Variants in PTOV1 observed in about 807,000 individuals in gnomAD.
PTOV1 encodes the protein PTOV1 extended AT-hook containing adaptor protein.
A neutral mutation model predicts 58.0 loss-of-function variants in PTOV1; 20 were observed. The ratio of observed to expected loss-of-function variants is 0.34; its 90% CI spans 0.24 to 0.50. The LOEUF is 0.50. Ranked by LOEUF, PTOV1 falls within the 20% of genes least tolerant of loss-of-function variation. PTOV1 has a pLI of 0.98. For missense variants in PTOV1, 593 were observed against 565.4 expected (o/e 1.05, Z -0.50); for synonymous variants, 335 against 234.2 (o/e 1.43, Z -3.93).
chr19:49,851,547 C>CCCCCCCCA, intron 1 of PTOV1, 48 bp downstream of exon 1: 7 of 1,095,142 alleles, frequency 6.4e-6, no homozygotes, highest in Non-Finnish European at 8.0e-6. Flanking sequence ...CCCGCCCCCC[C>CCCCCCCCA]AGCCCCTATC....
intron 5 of PTOV1, chr19:49,855,325 C>T (rs775595038): frequency 5.6e-5 from 30 of 533,260 alleles, no homozygotes; most frequent in Non-Finnish European, 8.5e-5. Context: ...GCCCTGGGGG[C>T]GTGAGTGCAG....
In PTOV1 at chr19:49,858,054, C is replaced by T. The variant is rs1408556019; in HGVS notation, c.879-3C>T. 3.1e-6 allele frequency: 5 copies of T among 1,613,984 alleles called. No homozygotes were observed. Among genetic ancestry groups the T allele is most frequent in the Non-Finnish European group, 4.2e-6 (5 of 1,180,004 alleles). ...CTGACCCTCGTCCCTTTGTGCCCCA[C>T]AGGAGGACCGAGCAGTGGCCAAGGA... On this transcript the variant is annotated splice_region_variant and splice_polypyrimidine_tract_variant and intron_variant, in intron 8 of 11. Transcript: ENST00000391842.
chr19:49,859,690 G>A (rs542308566), intron 10 of PTOV1, among the ~76,000 whole-genome samples: 2 of 152,362 alleles, frequency 1.3e-5, no homozygotes, highest in Non-Finnish European at 2.9e-5. Flanking sequence ...AGCCATGGCC[G>A]GTTGGCTCAG....
intron 10 of PTOV1, 152 bp from the exon 11 acceptor site, chr19:49,859,834 A>G (rs1019645577): frequency 6.3e-6 from 5 of 793,524 alleles, no homozygotes; most frequent in Non-Finnish European, 1.0e-5. Flanking sequence ...TGTCATCCCA[A>G]TAAGGGGGCC....
chr19:49,850,801 C>T (rs1479097209), upstream of PTOV1: 12 of 1,502,224 alleles, frequency 8.0e-6, no homozygotes, highest in Non-Finnish European at 1.1e-5. Context: ...TCCTTTGTCC[C>T]CAGGCCCATT....
intron 1 of PTOV1, among the ~76,000 whole-genome samples, chr19:49,853,607 C>T (rs2074343740): frequency 7.3e-6 from 1 of 137,808 alleles, no homozygotes; most frequent in South Asian, 2.5e-4. Flanking sequence ...ATGAGTGAAA[C>T]TCTGTCTCAA....
intron 1 of PTOV1, chr19:49,852,160 C>T (rs1219596607): frequency 3.6e-6 from 3 of 831,596 alleles, no homozygotes; most frequent in Non-Finnish European, 4.3e-6. Flanking sequence ...AACCGCACAT[C>T]GCGACTTTGC....
intron 1 of PTOV1, 116 bp downstream of exon 1, chr19:49,851,615 A>G: frequency 9.6e-7 from 1 of 1,038,138 alleles, no homozygotes; most frequent in Non-Finnish European, 1.2e-6. Flanking sequence ...CTGTGGCCCG[A>G]AGGGTGGTCC....
chr19:49,854,837 C>G (rs1327378257), exon 4 of PTOV1: 1 of 1,613,316 alleles, frequency 6.2e-7, no homozygotes, highest in Non-Finnish European at 8.5e-7. Flanking sequence ...ATAGGGAGAC[C>G]GACCAGTGGC....
At chr19:49,860,389 G>GCCCCGGCAC in exon 12 of PTOV1, 1 of 1,203,046 alleles carries the variant, frequency 8.3e-7, no homozygotes, top group Non-Finnish European at 1.2e-6. Context: ...TGTGGGGGGG[G>GCCCCGGCAC]TGGGGTTGGG....
chr19:49,851,427 C>T (rs1162746044), exon 1 of PTOV1: 1 of 1,214,108 alleles, frequency 8.2e-7, no homozygotes, highest in East Asian at 3.3e-5. Context: ...GCGCCGTCCG[C>T]TCGCGCTCCT....
intron 1 of PTOV1, chr19:49,851,759 C>T (rs1486101101): frequency 3.7e-6 from 4 of 1,089,670 alleles, no homozygotes; most frequent in Non-Finnish European, 3.3e-6. Context: ...GACTCCGCGG[C>T]CCGATTTAAA....
chr19:49,851,044 C>A (rs1313318557), upstream of PTOV1: 10 of 1,512,772 alleles, frequency 6.6e-6, no homozygotes, highest in East Asian at 5.1e-5. Context: ...CCCGCAGGAC[C>A]GCCGAGCCCA....
intron 1 of PTOV1, 178 bp downstream of exon 1, chr19:49,851,677 T>C: frequency 9.6e-7 from 1 of 1,040,908 alleles, no homozygotes. Flanking sequence ...CGCCGCGCTC[T>C]CCCCTTTGTT....
chr19:49,858,741 A>G (rs1262992852), intron 10 of PTOV1, 88 bp downstream of exon 10: 1 of 1,129,756 alleles, frequency 8.9e-7, no homozygotes, highest in Admixed American at 2.0e-5. Context: ...GGAGAGGAAC[A>G]GAGCACCATG....
chr19:49,851,391 C>G, exon 1 of PTOV1: 1 of 1,173,806 alleles, frequency 8.5e-7, no homozygotes, highest in Non-Finnish European at 1.1e-6. Context: ...GGGGTCGCGG[C>G]CGCCCTCCGC....
At chr19:49,851,396 C>T in exon 1 of PTOV1, 1 of 1,183,978 alleles carries the variant, frequency 8.4e-7, no homozygotes, top group African/African-American at 1.6e-5. Flanking sequence ...CGCGGCCGCC[C>T]TCCGCGGCCC....
chr19:49,857,167 G>A (rs1481872831), intron 6 of PTOV1, 37 bp downstream of exon 6: 2 of 1,612,542 alleles, frequency 1.2e-6, no homozygotes, highest in Non-Finnish European at 1.7e-6. Context: ...GGGGACAGAG[G>A]GGGATTAGAC....
intron 1 of PTOV1, 43 bp downstream of exon 1, chr19:49,851,542 C>T (rs1315976216): frequency 9.3e-7 from 1 of 1,080,648 alleles, no homozygotes; most frequent in Non-Finnish European, 1.2e-6. Flanking sequence ...ACGGCCCCGC[C>T]CCCCCAGCCC....
Sources: allele counts gnomAD v4.1 joint callset (sites outside exome capture counted in the v4.1 genomes callset), GRCh38; gene constraint gnomAD v4.1.1; transcripts MANE v1.5; gene names NCBI Gene and HGNC (gene_info 2026-07-23, HGNC 2026-07-21).